MROH7: variants seen among roughly 807,000 people sequenced by gnomAD.
MROH7 encodes maestro heat like repeat family member 7.
In MROH7, 113 loss-of-function variants were observed where a neutral mutation model predicts 129.2. That is an observed-to-expected ratio of 0.87 (90% CI 0.75 to 1.02). The LOEUF (loss-of-function observed/expected upper bound fraction) is 1.02. Among genes scored for constraint, MROH7 ranks in the 50% least tolerant of loss-of-function variants. The probability of loss-of-function intolerance (pLI) is 0.00; values close to 1 mark genes in which losing one functional copy is unlikely to be tolerated. For synonymous variants in MROH7, 655 were observed against 667.9 expected (o/e 0.98, Z 0.30); for missense variants, 1,601 against 1,671.3 (o/e 0.96, Z 0.73).
chr1:54,682,646 G>A lies in MROH7; in HGVS notation c.2382-10G>A. The A allele has an allele frequency of 6.2e-7, 1 of 1,611,066 alleles. No individual in the cohort carries two copies. Among genetic ancestry groups the A allele is most frequent in the South Asian group, 1.1e-5 (1 of 90,590 alleles). On this transcript the variant is annotated splice_polypyrimidine_tract_variant and intron_variant, in intron 13 of 23. Transcript: ENST00000421030. ...GCCACCACTAATTGCCCACATCCCT[G>A]ACCTCTCAGCAATGGAGCAGAGATG...
At chr1:54,649,828 T>G (rs1655523) in intron 1 of MROH7, among the ~76,000 whole-genome samples, 41,932 of 152,114 alleles carry the variant, frequency 0.28, 6,032 homozygotes, top group South Asian at 0.47. Context: ...GAGACAAAAT[T>G]ATGGACATGA....
At chr1:54,690,625 A>C (rs1233331386) in intron 15 of MROH7, among the ~76,000 whole-genome samples, 1 of 151,994 alleles carries the variant, frequency 6.6e-6, no homozygotes, top group Admixed American at 6.6e-5. Context: ...TTGTATTTTT[A>C]GTAGAGACAG....
chr1:54,655,398 TCTCA>T, intron 3 of MROH7, among the ~76,000 whole-genome samples: 1 of 151,922 alleles, frequency 6.6e-6, no homozygotes, highest in Non-Finnish European at 1.5e-5. Context: ...GAGACAAAAG[TCTCA>T]CTCTGTTGCC....
chr1:54,675,365 G>A (rs572566820), intron 10 of MROH7, among the ~76,000 whole-genome samples: 26 of 152,324 alleles, frequency 1.7e-4, no homozygotes, highest in African/African-American at 6.3e-4. Flanking sequence ...ATAGGCACTT[G>A]TCATGTAGTT....
intron 3 of MROH7, chr1:54,659,268 G>T: frequency 1.2e-5 from 2 of 169,682 alleles, no homozygotes; most frequent in South Asian, 1.1e-4. Flanking sequence ...CTAATTTTTT[G>T]TATTTTAATT....
intron 3 of MROH7, among the ~76,000 whole-genome samples, chr1:54,655,160 G>A (rs1290698511): frequency 5.3e-5 from 8 of 151,172 alleles, no homozygotes; most frequent in East Asian, 1.9e-4. Flanking sequence ...GATTACAGGC[G>A]CCCACCACCA....
chr1:54,698,797 C>CTTTTTTTTTTTTTT (rs202069655), intron 17 of MROH7: 1 of 141,836 alleles, frequency 7.1e-6, no homozygotes, highest in East Asian at 2.9e-4. Flanking sequence ...AAGTTTCTTT[C>CTTTTTTTTTTTTTT]TTTTTTTTTT....
At chr1:54,682,601 G>C in intron 13 of MROH7, 55 bp from the exon 14 acceptor site, 1 of 1,564,996 alleles carries the variant, frequency 6.4e-7, no homozygotes, top group Non-Finnish European at 8.7e-7. Context: ...TTTGGAGGCT[G>C]GGTTAGCCCC....
intron 7 of MROH7, among the ~76,000 whole-genome samples, chr1:54,671,581 C>T (rs544691574): frequency 2.0e-5 from 3 of 152,266 alleles, no homozygotes; most frequent in South Asian, 4.1e-4. Flanking sequence ...GAAGCAGAAC[C>T]TCAGGGGGCT....
At chr1:54,707,202 T>C (rs1462746206) in intron 22 of MROH7, among the ~76,000 whole-genome samples, 1 of 152,172 alleles carries the variant, frequency 6.6e-6, no homozygotes, top group Non-Finnish European at 1.5e-5. Context: ...GACAGGACCC[T>C]TCTGATGGCA....
intron 1 of MROH7, among the ~76,000 whole-genome samples, chr1:54,651,061 C>T (rs1341284265): frequency 6.6e-6 from 1 of 152,180 alleles, no homozygotes. Context: ...TTCTCTTCCC[C>T]AGCTCTCTCA....
chr1:54,678,986 C>T, intron 11 of MROH7, 132 bp downstream of exon 11: 1 of 734,466 alleles, frequency 1.4e-6, no homozygotes, highest in African/African-American at 1.8e-5. Flanking sequence ...CCACGCCTGT[C>T]CTGAGTGCCC....
chr1:54,697,863 C>T lies in MROH7; in HGVS notation c.2964+2373C>T, dbSNP rs536286302. 1.9e-3 allele frequency: 985 copies of T among 531,150 alleles called. 5 individuals carry two copies. Among genetic ancestry groups the T allele is most frequent in the South Asian group, 5.5e-3 (188 of 34,172 alleles). The allele number at this position is 531,150 out of a possible 1,614,324, so 32.9% of individuals were successfully genotyped here. ...AGGAGAGGAGGGAGGGTGGATCTTG[C>T]CAGACCTTATGGGGCATTCCTGTGT... is the stretch of plus-strand genomic sequence containing the variant. On this transcript the variant is annotated intron_variant, in intron 17 of 23. Transcript: ENST00000421030.
chr1:54,702,150 CG>C lies in MROH7; in HGVS notation c.3349del (p.Ala1117HisfsTer20), dbSNP rs1557730197. ...NLYGKVVQKL[R>X]APRTQAMEEQ... ...GTATGGGAAGGTGGTCCAGAAGCTT[CG>C]GGCACCACGCACTCAGGCCATGGAG... On this transcript the variant is annotated frameshift_variant, in exon 20 of 24. Transcript: ENST00000421030. LOFTEE classifies it high-confidence loss of function. The C allele has an allele frequency of 6.2e-7, 1 of 1,611,244 alleles. No individual in the cohort carries two copies. The highest frequency in any genetic ancestry group is 8.5e-7 in the Non-Finnish European group (1 of 1,178,816).
chr1:54,679,480 C>T (rs778902691), intron 12 of MROH7, 41 bp downstream of exon 12: 29 of 1,590,020 alleles, frequency 1.8e-5, no homozygotes, highest in Non-Finnish European at 2.4e-5. Flanking sequence ...GTCACTGGGG[C>T]TCGGGAGCTC....
intron 1 of MROH7, among the ~76,000 whole-genome samples, chr1:54,649,767 C>T (rs891636764): frequency 2.0e-5 from 3 of 152,098 alleles, no homozygotes; most frequent in Non-Finnish European, 4.4e-5. Flanking sequence ...CGTTTACACA[C>T]GGGTGGCAGA....
At chr1:54,658,453 C>G (rs2101078392) in intron 3 of MROH7, among the ~76,000 whole-genome samples, 1 of 152,256 alleles carries the variant, frequency 6.6e-6, no homozygotes, top group Middle Eastern at 3.4e-3. Flanking sequence ...TTTTGGCTAT[C>G]AGGGCCACTC....
At chr1:54,702,414 C>T (rs1233107665) in intron 20 of MROH7, among the ~76,000 whole-genome samples, 169 bp downstream of exon 20, 1 of 152,138 alleles carries the variant, frequency 6.6e-6, no homozygotes, top group Admixed American at 6.5e-5. Flanking sequence ...CTCAACACGG[C>T]CAGCTTCTGG....
At position 54,653,936 on chromosome 1, in the gene MROH7, T is replaced by G. The variant is rs1376323151; in HGVS notation, c.1010T>G (p.Leu337Arg). ...MTLILGSNET[L>R]SLDSSLLFSD... ...CTAATCCTGGGTTCCAATGAGACTC[T>G]GAGCCTGGACTCCAGCCTCCTGTTC... The change falls in exon 3 of 24, where the codon CTG becomes CGG. Residue 337 changes from leucine (L) to arginine (R), a missense_variant. Leu to Arg is a moderately radical substitution (Grantham distance 102). Coordinates refer to ENST00000421030, the MANE Select transcript of MROH7 (RefSeq NM_001039464.4). 3 of 1,614,076 alleles carry G rather than the reference T, an allele frequency of 1.9e-6. No homozygotes were observed. The highest frequency in any genetic ancestry group is 2.7e-5 in the African/African-American group (2 of 74,942).
Sources: allele counts gnomAD v4.1 joint callset (sites outside exome capture counted in the v4.1 genomes callset), GRCh38; gene constraint gnomAD v4.1.1; transcripts MANE v1.5; gene names NCBI Gene and HGNC (gene_info 2026-07-23, HGNC 2026-07-21).